Variants in CADM2 observed in about 807,000 individuals in gnomAD.
CADM2 encodes immunoglobulin superfamily member 4D.
A neutral mutation model predicts 49.8 loss-of-function variants in CADM2; 12 were observed. The observed-to-expected ratio is 0.24, with a 90% CI of 0.15 to 0.39. The LOEUF (loss-of-function observed/expected upper bound fraction) is 0.39. CADM2 is among the 10% of genes least tolerant of loss of function. CADM2 has a pLI of 1.00. For missense variants in CADM2, 378 were observed against 492.3 expected (o/e 0.77, Z 2.20); for synonymous variants, 214 against 175.4 (o/e 1.22, Z -1.74).
chr3:85,739,399 A>G (rs1211588934), intron 2 of CADM2, among the ~76,000 whole-genome samples: 1 of 152,140 alleles, frequency 6.6e-6, no homozygotes, highest in South Asian at 2.1e-4. Context: ...ATTCTATGTT[A>G]TTAAAGTTTA....
At chr3:85,054,861 G>A (rs2036018414) in intron 1 of CADM2, among the ~76,000 whole-genome samples, 1 of 151,824 alleles carries the variant, frequency 6.6e-6, no homozygotes, top group African/African-American at 2.4e-5. Flanking sequence ...TGAAGTACTT[G>A]AGTAAATAGC....
chr3:86,060,335 T>G (rs1738481440), intron 8 of CADM2, among the ~76,000 whole-genome samples: 1 of 152,112 alleles, frequency 6.6e-6, no homozygotes, highest in African/African-American at 2.4e-5. Flanking sequence ...CTTTCCCTAA[T>G]AGTGATCTAT....
intron 7 of CADM2, among the ~76,000 whole-genome samples, chr3:85,949,742 AC>A (rs1723211936): frequency 6.6e-6 from 1 of 151,206 alleles, no homozygotes; most frequent in African/African-American, 2.4e-5. Flanking sequence ...TAGAAATGAA[AC>A]AAATCATGAA....
At chr3:85,864,523 GTCAGCTTAGCC>G (rs1373228834) in intron 3 of CADM2, among the ~76,000 whole-genome samples, 1 of 152,138 alleles carries the variant, frequency 6.6e-6, no homozygotes, top group Non-Finnish European at 1.5e-5. Context: ...ACTGGAGGCT[GTCAGCTTAGCC>G]TCTGGTTGCT....
rs1467809074 is a variant in CADM2 at position 85,886,214 on chromosome 3, G to T, written c.416G>T (p.Ser139Ile). 1.2e-6 allele frequency: 2 copies of T among 1,613,634 alleles called. No homozygotes were observed. The highest frequency in any genetic ancestry group is 1.7e-6 in the Non-Finnish European group (2 of 1,179,710). ...VLGVPEKPQI[S>I]GFSSPVMEGD... is the part of the protein sequence containing the mutation. ...GGTGTTCCTGAAAAGCCTCAGATTA[G>T]TGGATTCTCATCACCAGTTATGGAG... The change falls in exon 5 of 10, where the codon AGT becomes ATT. Residue 139 changes from serine to isoleucine, a missense_variant. Physicochemically the swap from Ser to Ile is moderately radical, Grantham distance 142. Transcript: ENST00000383699.
intron 1 of CADM2, among the ~76,000 whole-genome samples, chr3:85,661,908 T>C (rs2065420139): frequency 6.6e-6 from 1 of 152,096 alleles, no homozygotes; most frequent in African/African-American, 2.4e-5. Context: ...TGAAATATTC[T>C]ATTCTCTTTA....
chr3:85,069,816 G>A (rs2036656945), intron 1 of CADM2, among the ~76,000 whole-genome samples: 1 of 152,046 alleles, frequency 6.6e-6, no homozygotes, highest in Non-Finnish European at 1.5e-5. Flanking sequence ...TATTACCACT[G>A]TCTTATTTCT....
chr3:85,254,565 A>G (rs1461277481), intron 1 of CADM2, among the ~76,000 whole-genome samples: 1 of 152,058 alleles, frequency 6.6e-6, no homozygotes, highest in African/African-American at 2.4e-5. Flanking sequence ...TAGCCTACAA[A>G]CGACAATCTT....
Position 85,525,806 on chromosome 3 carries a change from T to G in CADM2, c.62-200716T>G, listed in dbSNP as rs528552829. 5.9e-5 allele frequency among the ~76,000 whole-genome samples: 9 copies of G among 152,238 alleles called. No homozygotes were observed. In the South Asian group the frequency reaches 1.0e-3, roughly 18 times the overall value. On this transcript the variant is annotated intron_variant, in intron 1 of 9. Coordinates refer to ENST00000383699, the MANE Select transcript of CADM2 (RefSeq NM_001167675.2). ...TTTTTGGGTTTATCAGTGAAACTCT[T>G]TTAAAGTATTTTAGTAGTTGCTTTA... is the stretch of plus-strand genomic sequence containing the variant.
intron 1 of CADM2, among the ~76,000 whole-genome samples, chr3:85,278,054 T>C (rs1170615121): frequency 6.6e-6 from 1 of 151,224 alleles, no homozygotes; most frequent in Non-Finnish European, 1.5e-5. Flanking sequence ...TGTATTTTTT[T>C]TTCCTGGGTC....
intron 1 of CADM2, among the ~76,000 whole-genome samples, chr3:85,544,542 A>C (rs1444147346): frequency 1.3e-5 from 2 of 152,096 alleles, no homozygotes; most frequent in Non-Finnish European, 2.9e-5. Flanking sequence ...GCGCCACTGC[A>C]CTCCTGCCTG....
At chr3:85,209,675 AC>A (rs1204927673) in intron 1 of CADM2, among the ~76,000 whole-genome samples, 5 of 151,994 alleles carry the variant, frequency 3.3e-5, no homozygotes, top group African/African-American at 4.8e-5. Context: ...TAAAAAAAAA[AC>A]ATACAGAAGA....
At chr3:84,984,757 C>T (rs1342206676) in intron 1 of CADM2, among the ~76,000 whole-genome samples, 3 of 152,278 alleles carry the variant, frequency 2.0e-5, no homozygotes, top group South Asian at 4.1e-4. Flanking sequence ...GCTAGCTACT[C>T]CACCCATTCT....
rs1268471397 is a variant in CADM2 at position 86,070,218 on chromosome 3, A to G, written c.*3435A>G. The G allele has an allele frequency of 6.6e-6, 1 of 151,986 alleles. No individual in the cohort carries two copies. Among genetic ancestry groups the G allele is most frequent in the Admixed American group, 6.6e-5 (1 of 15,232 alleles). The allele number at this position is 151,986 out of a possible 1,614,324, so 9.4% of individuals were successfully genotyped here. A position where few individuals can be genotyped will look rare whatever the true frequency, so the allele number is the denominator to read the frequency against. ...TGGCAAAGAAACTAACACCTCATTT[A>G]TTTTTATTTCTTTGTAAAAATATAA... On this transcript the variant is annotated 3_prime_UTR_variant, in exon 10 of 10. Coordinates refer to ENST00000383699, the MANE Select transcript of CADM2 (RefSeq NM_001167675.2).
intron 1 of CADM2, among the ~76,000 whole-genome samples, chr3:85,535,400 T>C (rs2062739244): frequency 6.6e-6 from 1 of 152,154 alleles, no homozygotes; most frequent in South Asian, 2.1e-4. Flanking sequence ...CTCTTAATAA[T>C]AAAATTGTCC....
intron 1 of CADM2, among the ~76,000 whole-genome samples, chr3:85,321,091 C>CAAATAT (rs2044587819): frequency 6.2e-5 from 4 of 64,748 alleles, no homozygotes; most frequent in Non-Finnish European, 8.1e-5. Flanking sequence ...TAGATATATA[C>CAAATAT]ATATATATAT....
chr3:85,371,244 C>T (rs1408235215), intron 1 of CADM2, among the ~76,000 whole-genome samples: 1 of 152,068 alleles, frequency 6.6e-6, no homozygotes, highest in East Asian at 1.9e-4. Flanking sequence ...CATTCACTCA[C>T]CACTCAGTCA....
intron 1 of CADM2, among the ~76,000 whole-genome samples, chr3:85,275,147 C>A (rs1433028323): frequency 6.6e-6 from 1 of 151,632 alleles, no homozygotes; most frequent in Admixed American, 6.6e-5. Context: ...GGAAGAATAA[C>A]TTGAGTATTC....
chr3:85,016,387 T>C (rs896938507), intron 1 of CADM2, among the ~76,000 whole-genome samples: 2 of 152,182 alleles, frequency 1.3e-5, no homozygotes, highest in African/African-American at 4.8e-5. Flanking sequence ...TATAGGTTGG[T>C]TTAGAGGATG....
Sources: gnomAD v4.1 joint callset for allele counts (sites outside exome capture counted in the v4.1 genomes callset) on GRCh38, gnomAD v4.1.1 for gene constraint, MANE v1.5 for transcripts, NCBI Gene and HGNC (gene_info 2026-07-23, HGNC 2026-07-21) for gene names.